CLEC7A: variants seen among roughly 807,000 people sequenced by gnomAD.
CLEC7A encodes C-type lectin domain containing 7A, also known as C-type lectin domain family 7 member A.
In CLEC7A, 25 loss-of-function variants were observed where a neutral mutation model predicts 26.9. That is an observed-to-expected ratio of 0.93 (90% CI 0.68 to 1.30). The LOEUF (loss-of-function observed/expected upper bound fraction) is 1.30, where lower values mean the gene tolerates loss of function less well. Among genes scored for constraint, CLEC7A ranks in the 50% most tolerant of loss-of-function variants. The pLI, the probability that CLEC7A is intolerant of heterozygous loss-of-function variation, is 0.00. For missense variants in CLEC7A, 275 were observed against 286.7 expected, an observed-to-expected ratio of 0.96 and a Z score of 0.29; for synonymous variants, 100 against 99.5, an observed-to-expected ratio of 1.01 and a Z score of -0.03.
intron 5 of CLEC7A, among the ~76,000 whole-genome samples, chr12:10,120,059 A>G (rs540854076): frequency 6.6e-6 from 1 of 152,298 alleles, no homozygotes; most frequent in South Asian, 2.1e-4. Flanking sequence ...GACTTAATAG[A>G]GGCTTTTAAT....
At chr12:10,120,129 C>T (rs1948032490) in intron 5 of CLEC7A, among the ~76,000 whole-genome samples, 1 of 151,910 alleles carries the variant, frequency 6.6e-6, no homozygotes, top group Admixed American at 6.6e-5. Context: ...AAGGTTATTA[C>T]ATAGATTGGA....
rs569206585 is a variant in CLEC7A, at chr12:10,130,022, C to T, written c.61G>A (p.Asp21Asn). Reference sequence around the variant, plus strand: ...GCTATCCTGGTATTGCTTTGAGAGTCGAAGTGTAATTGAGTATATCCATCT... The same window carrying T: ...GCTATCCTGGTATTGCTTTGAGAGTTGAAGTGTAATTGAGTATATCCATCT... ...DEDGYTQLHF[D>N]SQSNTRIAVV... The change falls in exon 1 of 6, where the codon GAC becomes AAC. Residue 21 changes from aspartate (D) to asparagine (N), a missense_variant. By Grantham distance (23) the Asp-to-Asn change is conservative. Transcript: ENST00000304084. 1.2e-5 allele frequency: 20 copies of T among 1,611,482 alleles called. No individual in the cohort carries two copies. The highest frequency in any genetic ancestry group is 5.5e-5 in the South Asian group (5 of 90,972).
chr12:10,127,250 C>T, intron 2 of CLEC7A: 2 of 1,379,748 alleles, frequency 1.4e-6, no homozygotes, highest in East Asian at 4.6e-5. Context: ...CAGGAAATTT[C>T]TGGTGTATTC....
At position 10,118,073 on chromosome 12, in the gene CLEC7A, T is replaced by C. The variant is rs1177216452; in HGVS notation, c.*385A>G. ...CAAAAATTAGCCTGGCATGGTGGCATGCACCTGTAGTCCCAGCTACTTGAG... is the reference window on the plus strand; with the variant it reads ...CAAAAATTAGCCTGGCATGGTGGCACGCACCTGTAGTCCCAGCTACTTGAG... On this transcript the variant is annotated 3_prime_UTR_variant, in exon 6 of 6. Transcript: ENST00000304084. 2 of 178,968 alleles carry C rather than the reference T, an allele frequency of 1.1e-5. No homozygotes were observed. Among genetic ancestry groups the C allele is most frequent in the Non-Finnish European group, 2.3e-5 (2 of 85,960 alleles). 11.1% of individuals were successfully genotyped at this position (178,968 alleles called of 1,614,324 possible). A position where few individuals can be genotyped will look rare whatever the true frequency, so the allele number is the denominator to read the frequency against.
chr12:10,120,647 C>T lies in CLEC7A; in HGVS notation c.612-2057G>A, dbSNP rs187018452. Among the ~76,000 whole-genome samples the T allele has an allele frequency of 3.3e-3, 494 of 148,440 alleles. 3 individuals carry two copies. The East Asian group carries it at 0.035, about 10-fold the overall frequency. On this transcript the variant is annotated intron_variant, in intron 5 of 5. Transcript: ENST00000304084. ...TTCACCATTTTGGCCAGGCTGGTATCGAACTCCAGAGATCAAGTGATCCGC... is the reference window on the plus strand; with the variant it reads ...TTCACCATTTTGGCCAGGCTGGTATTGAACTCCAGAGATCAAGTGATCCGC...
chr12:10,118,329 G>T lies in CLEC7A; in HGVS notation c.*129C>A. Reference sequence around the variant, plus strand: ...CCTCTCCCTTCAATTTCTTGGTTAAGATTACAGTTGGCCAAGCTCTCTAAA... The same window carrying T: ...CCTCTCCCTTCAATTTCTTGGTTAATATTACAGTTGGCCAAGCTCTCTAAA... On this transcript the variant is annotated 3_prime_UTR_variant, in exon 6 of 6. Coordinates refer to ENST00000304084, the MANE Select transcript of CLEC7A (RefSeq NM_197947.3). The T allele has an allele frequency of 1.2e-6, 1 of 835,806 alleles. No homozygotes were observed. The highest frequency in any genetic ancestry group is 1.9e-6 in the Non-Finnish European group (1 of 534,286). 51.8% of individuals were successfully genotyped at this position (835,806 alleles called of 1,614,324 possible). A position where few individuals can be genotyped will look rare whatever the true frequency, so the allele number is the denominator to read the frequency against.
chr12:10,118,526 A>G lies in CLEC7A; in HGVS notation c.676T>C (p.Ser226Pro), dbSNP rs144851220. The change falls in exon 6 of 6, where the codon TCA becomes CCA. Residue 226 changes from serine (S) to proline (P), a missense_variant. Physicochemically the swap from Ser to Pro is moderately conservative, Grantham distance 74. Transcript: ENST00000304084. ...PSPNCVWIHVSVIYDQLCSVP... is the reference protein window; with the variant it reads ...PSPNCVWIHVPVIYDQLCSVP... ...CTACACAGTTGGTCATAAATGACTG[A>G]CACGTGAATCCATACACAATTTGGA... The G allele has an allele frequency of 1.2e-6, 2 of 1,612,816 alleles. No homozygotes were observed. Among genetic ancestry groups the G allele is most frequent in the East Asian group, 4.5e-5 (2 of 44,858 alleles).
intron 4 of CLEC7A, chr12:10,124,619 A>G (rs1384607003): frequency 6.6e-6 from 1 of 152,172 alleles, no homozygotes; most frequent in African/African-American, 2.4e-5. Context: ...TCTTGCAAAG[A>G]GTAAATAATT....
chr12:10,118,327 A>T lies in CLEC7A; in HGVS notation c.*131T>A. The T allele has an allele frequency of 1.2e-6, 1 of 805,898 alleles. No individual in the cohort carries two copies. Among genetic ancestry groups the T allele is most frequent in the Non-Finnish European group, 2.0e-6 (1 of 512,468 alleles). 49.9% of individuals were successfully genotyped at this position (805,898 alleles called of 1,614,324 possible). ...AGCCTCTCCCTTCAATTTCTTGGTT[A>T]AGATTACAGTTGGCCAAGCTCTCTA... is the stretch of plus-strand genomic sequence containing the variant. On this transcript the variant is annotated 3_prime_UTR_variant, in exon 6 of 6. Transcript: ENST00000304084.
At position 10,127,198 on chromosome 12, in the gene CLEC7A, AT is replaced by A. The variant is rs11299222; in HGVS notation, c.203-491del. 0.035 allele frequency: 39,473 copies of A among 1,129,318 alleles called. 4,977 individuals carry two copies. The African/African-American group carries it at 0.37, about 11-fold the overall frequency. 70.0% of individuals were successfully genotyped at this position (1,129,318 alleles called of 1,614,324 possible). A position where few individuals can be genotyped will look rare whatever the true frequency, so the allele number is the denominator to read the frequency against. ...GCATGTGATATAAAATGTAAAAAAA[AT>A]ATTAATCCATTACAAAATATCGACT... On this transcript the variant is annotated intron_variant, in intron 2 of 5. Coordinates refer to ENST00000304084, the MANE Select transcript of CLEC7A (RefSeq NM_197947.3).
chr12:10,118,141 A>C lies in CLEC7A; in HGVS notation c.*317T>G, dbSNP rs569018735. ...AGCTGCAGTGAGTCGAGATTGTGCC[A>C]CTGCACTCCAGCCTGGGTAACAAAG... On this transcript the variant is annotated 3_prime_UTR_variant, in exon 6 of 6. Transcript: ENST00000304084. 1 of 248,764 alleles carries C rather than the reference A, an allele frequency of 4.0e-6. No homozygotes were observed. The highest frequency in any genetic ancestry group is 2.3e-5 in the African/African-American group (1 of 42,810). 15.4% of individuals were successfully genotyped at this position (248,764 alleles called of 1,614,324 possible).
At chr12:10,126,908 G>A (rs1361508327) in intron 2 of CLEC7A, 200 bp from the exon 3 acceptor site, 2 of 618,384 alleles carry the variant, frequency 3.2e-6, no homozygotes, top group Admixed American at 4.4e-5. Flanking sequence ...TATAAAGGAG[G>A]TATAGTAAAA....
intron 4 of CLEC7A, among the ~76,000 whole-genome samples, 158 bp from the exon 5 acceptor site, chr12:10,123,521 G>C (rs796244999): frequency 4.6e-5 from 7 of 152,128 alleles, no homozygotes; most frequent in African/African-American, 1.7e-4. Context: ...CAGCACTTTG[G>C]GAGGCCGAGG....
At chr12:10,123,500 G>C in intron 4 of CLEC7A, 137 bp from the exon 5 acceptor site, 2 of 621,046 alleles carry the variant, frequency 3.2e-6, no homozygotes, top group Non-Finnish European at 2.8e-6. Flanking sequence ...GGTGGCTCAC[G>C]CCTGTAATCC....
chr12:10,118,253 T>C lies in CLEC7A; in HGVS notation c.*205A>G, dbSNP rs1257183663. On this transcript the variant is annotated 3_prime_UTR_variant, in exon 6 of 6. Coordinates refer to ENST00000304084, the MANE Select transcript of CLEC7A (RefSeq NM_197947.3). Reference sequence around the variant, plus strand: ...ATTCCATGTCTAGGGATCTACTAACTAGAAAAATAATACTAGCCTACCTGT... The same window carrying C: ...ATTCCATGTCTAGGGATCTACTAACCAGAAAAATAATACTAGCCTACCTGT... 2.1e-5 allele frequency: 11 copies of C among 529,368 alleles called. No individual in the cohort carries two copies. Among genetic ancestry groups the C allele is most frequent in the Non-Finnish European group, 3.3e-5 (10 of 305,786 alleles). 32.8% of individuals were successfully genotyped at this position (529,368 alleles called of 1,614,324 possible).
In CLEC7A at chr12:10,118,499, C is replaced by T. The variant is rs1947977254; in HGVS notation, c.703G>A (p.Val235Met). Reference sequence around the variant, plus strand: ...TTCTCACAAATACTATATGAGGGCACACTACACAGTTGGTCATAAATGACT... The same window carrying T: ...TTCTCACAAATACTATATGAGGGCATACTACACAGTTGGTCATAAATGACT... ...VSVIYDQLCSVPSYSICEKKF... is the reference protein window; with the variant it reads ...VSVIYDQLCSMPSYSICEKKF... The change falls in exon 6 of 6, where the codon GTG becomes ATG. Residue 235 changes from valine to methionine, a missense_variant. Coordinates refer to ENST00000304084, the MANE Select transcript of CLEC7A (RefSeq NM_197947.3). The T allele has an allele frequency of 1.2e-6, 2 of 1,612,154 alleles. No homozygotes were observed. Among genetic ancestry groups the T allele is most frequent in the Non-Finnish European group, 8.5e-7 (1 of 1,178,258 alleles).
chr12:10,126,914 T>TAAAA (rs5796381), intron 2 of CLEC7A: 15 of 509,096 alleles, frequency 2.9e-5, no homozygotes, highest in Non-Finnish European at 3.9e-5. Flanking sequence ...GGAGGTATAG[T>TAAAA]AAAAAAAAAA....
At chr12:10,123,192 G>T in intron 5 of CLEC7A, 53 bp downstream of exon 5, 2 of 1,169,772 alleles carry the variant, frequency 1.7e-6, no homozygotes, top group Admixed American at 1.8e-5. Context: ...TCATAGATGA[G>T]ATGGAAACCT....
intron 3 of CLEC7A, among the ~76,000 whole-genome samples, chr12:10,125,943 A>G (rs1403242162): frequency 6.6e-6 from 1 of 152,192 alleles, no homozygotes; most frequent in African/African-American, 2.4e-5. Flanking sequence ...GTGAGAAGGT[A>G]TGGGTCCAGA....
Sources: gnomAD v4.1 joint callset for allele counts (sites outside exome capture counted in the v4.1 genomes callset) on GRCh38, gnomAD v4.1.1 for gene constraint, MANE v1.5 for transcripts, NCBI Gene and HGNC (gene_info 2026-07-23, HGNC 2026-07-21) for gene names.